Variants in CCDC34 observed in about 807,000 individuals in gnomAD.
CCDC34 encodes coiled-coil domain-containing protein 34.
CCDC34 carries 40 observed loss-of-function variants against 44.1 expected under a neutral mutation model. That is an observed-to-expected ratio of 0.91 (90% confidence interval 0.70 to 1.18). The LOEUF (loss-of-function observed/expected upper bound fraction) is 1.18, where lower values mean the gene tolerates loss of function less well. Among genes scored for constraint, CCDC34 ranks in the 50% most tolerant of loss-of-function variants. CCDC34 has a pLI of 0.00. For missense variants in CCDC34, 466 were observed against 452.3 expected (o/e 1.03, Z -0.28); for synonymous variants, 159 against 158.2 (o/e 1.01, Z -0.04).
chr11:27,341,796 C>T (rs1416517745), intron 3 of CCDC34, among the ~76,000 whole-genome samples: 1 of 152,132 alleles, frequency 6.6e-6, no homozygotes, highest in Non-Finnish European at 1.5e-5. Flanking sequence ...TCACCAATGT[C>T]CACTCAGAGC....
intron 3 of CCDC34, among the ~76,000 whole-genome samples, chr11:27,342,627 T>C (rs1322733875): frequency 2.6e-5 from 4 of 152,172 alleles, no homozygotes; most frequent in African/African-American, 7.2e-5. Context: ...TGAAGTTTTA[T>C]AGGAATGTGG....
intron 3 of CCDC34, among the ~76,000 whole-genome samples, chr11:27,343,571 A>T (rs1862393936): frequency 6.6e-6 from 1 of 152,180 alleles, no homozygotes; most frequent in African/African-American, 2.4e-5. Flanking sequence ...CTGTCAGAAG[A>T]TCTACAAATT....
At chr11:27,345,013 G>A (rs1304774437) in intron 3 of CCDC34, among the ~76,000 whole-genome samples, 2 of 152,110 alleles carry the variant, frequency 1.3e-5, no homozygotes, top group Non-Finnish European at 2.9e-5. Flanking sequence ...CAATAGAATA[G>A]ACTAGAATCC....
At chr11:27,345,461 G>A (rs1485607435) in intron 3 of CCDC34, among the ~76,000 whole-genome samples, 2 of 152,024 alleles carry the variant, frequency 1.3e-5, no homozygotes, top group African/African-American at 2.4e-5. Flanking sequence ...ACAGGCCCCG[G>A]TGTGTGATGT....
intron 3 of CCDC34, among the ~76,000 whole-genome samples, chr11:27,347,280 CA>C (rs1178810828): frequency 2.6e-5 from 4 of 152,144 alleles, no homozygotes; most frequent in African/African-American, 4.8e-5. Context: ...TAAAATGGTA[CA>C]TGTACTTTAG....
Sources: gnomAD v4.1 joint callset for allele counts (sites outside exome capture counted in the v4.1 genomes callset) on GRCh38, gnomAD v4.1.1 for gene constraint, MANE v1.5 for transcripts, NCBI Gene and HGNC (gene_info 2026-07-23, HGNC 2026-07-21) for gene names.